Variants in MARK3 observed in about 807,000 individuals in gnomAD.
The protein encoded by MARK3 is MAP/microtubule affinity-regulating kinase 3.
In MARK3, 46 loss-of-function variants were observed where a neutral mutation model predicts 90.1. The observed-to-expected ratio is 0.51, with a 90% CI of 0.40 to 0.65. MARK3 has a LOEUF of 0.65. Among genes scored for constraint, MARK3 ranks in the 30% least tolerant of loss-of-function variants. The pLI is 0.00. For missense variants in MARK3, 818 were observed against 947.2 expected (o/e 0.86, Z 1.79); for synonymous variants, 321 against 332.6 (o/e 0.97, Z 0.38).
intron 6 of MARK3, among the ~76,000 whole-genome samples, chr14:103,460,951 C>T (rs1020642611): frequency 6.6e-6 from 1 of 152,168 alleles, no homozygotes; most frequent in African/African-American, 2.4e-5. Flanking sequence ...ATAAGTGGGT[C>T]TGATATTCTG....
At position 103,465,966 on chromosome 14, in the gene MARK3, C is replaced by G; in HGVS notation, c.778-6C>G. The G allele has an allele frequency of 6.2e-7, 1 of 1,611,638 alleles. No homozygotes were observed. The highest frequency in any genetic ancestry group is 8.5e-7 in the Non-Finnish European group (1 of 1,179,216). On this transcript the variant is annotated splice_polypyrimidine_tract_variant and splice_region_variant and intron_variant, in intron 8 of 17. Transcript: ENST00000429436. ...CTCGTTTTCTTTCCTCTGTACCTCT[C>G]CAAAGGAACTGAGAGAGAGAGTATT...
At chr14:103,413,613 A>ATTTATTTTAT (rs71126017) in intron 2 of MARK3, among the ~76,000 whole-genome samples, 3 of 147,700 alleles carry the variant, frequency 2.0e-5, no homozygotes, top group Admixed American at 6.8e-5. Flanking sequence ...TATTTTATTT[A>ATTTATTTTAT]TTTATTTTAT....
chr14:103,499,983 G>T (rs146196534), intron 16 of MARK3, 173 bp from the exon 17 acceptor site: 1 of 635,646 alleles, frequency 1.6e-6, no homozygotes, highest in Non-Finnish European at 2.9e-6. Flanking sequence ...AGAAGGTAGC[G>T]CTGGCTCAGT....
chr14:103,495,363 C>T lies in MARK3; in HGVS notation c.1845-3139C>T, dbSNP rs1469766415. Among the ~76,000 whole-genome samples the T allele has an allele frequency of 2.0e-5, 3 of 152,120 alleles. No individual in the cohort carries two copies. The East Asian group carries it at 5.8e-4, about 29-fold the overall frequency. ...GATGTTGTGGCACATGCTTGTAATT[C>T]CAGCTATTTGGAAGGGTGAGGCAAG... On this transcript the variant is annotated intron_variant, in intron 15 of 17. Transcript: ENST00000429436.
chr14:103,387,751 C>G (rs535338484), intron 1 of MARK3, among the ~76,000 whole-genome samples: 1 of 152,098 alleles, frequency 6.6e-6, no homozygotes, highest in Admixed American at 6.6e-5. Context: ...CCTCGGCTCC[C>G]CAAAGTGCTG....
intron 1 of MARK3, among the ~76,000 whole-genome samples, chr14:103,394,817 C>T (rs1287746312): frequency 6.6e-6 from 1 of 152,072 alleles, no homozygotes; most frequent in Non-Finnish European, 1.5e-5. Context: ...GAGTCTTGCT[C>T]TGTTGCCCAG....
intron 2 of MARK3, among the ~76,000 whole-genome samples, chr14:103,415,449 T>G (rs1252761170): frequency 6.6e-6 from 1 of 152,216 alleles, no homozygotes; most frequent in Non-Finnish European, 1.5e-5. Context: ...GATTTAGCTC[T>G]TAAATGAAAA....
chr14:103,390,732 A>G (rs1336654057), intron 1 of MARK3, among the ~76,000 whole-genome samples: 1 of 152,180 alleles, frequency 6.6e-6, no homozygotes, highest in East Asian at 1.9e-4. Context: ...ATTTTGAGAC[A>G]GTATCTCGCT....
intron 1 of MARK3, among the ~76,000 whole-genome samples, chr14:103,403,968 AAC>A (rs1215957391): frequency 6.6e-6 from 1 of 152,250 alleles, no homozygotes; most frequent in Non-Finnish European, 1.5e-5. Flanking sequence ...AACTGAGTAA[AAC>A]AGACAAGAGC....
At chr14:103,390,141 G>A (rs1343815803) in intron 1 of MARK3, among the ~76,000 whole-genome samples, 4 of 151,826 alleles carry the variant, frequency 2.6e-5, no homozygotes, top group African/African-American at 4.8e-5. Flanking sequence ...CCAGCTACTC[G>A]GGAGGCTGAG....
At chr14:103,485,714 T>C (rs1595901458) in intron 14 of MARK3, among the ~76,000 whole-genome samples, 1 of 152,110 alleles carries the variant, frequency 6.6e-6, no homozygotes, top group Admixed American at 6.5e-5. Flanking sequence ...TTTAGTAACC[T>C]TAAGTGGATT....
At chr14:103,500,020 C>A in intron 16 of MARK3, 136 bp from the exon 17 acceptor site, 1 of 715,220 alleles carries the variant, frequency 1.4e-6, no homozygotes, top group Admixed American at 2.1e-5. Flanking sequence ...TTTTCATAAG[C>A]CCGGCTGGTG....
rs28524598 is a variant in MARK3 at position 103,412,112 on chromosome 14, A to G, written c.243+6845A>G. The stretch of plus-strand genomic sequence containing the variant: ...ACTAGTAGCAGTAGAATCTTTTCAA[A>G]TATGCCTTAATATAGGCGCTGGGGC... On this transcript the variant is annotated intron_variant, in intron 2 of 17. Coordinates refer to ENST00000429436, the MANE Select transcript of MARK3 (RefSeq NM_001128918.3). The G allele has an allele frequency of 6.8e-3, 6,679 of 987,352 alleles. 361 individuals carry two copies. In the African/African-American group the frequency reaches 0.1, roughly 15 times the overall value. 61.2% of individuals were successfully genotyped at this position (987,352 alleles called of 1,614,324 possible).
chr14:103,402,608 C>T (rs1410343360), intron 1 of MARK3, among the ~76,000 whole-genome samples: 1 of 151,934 alleles, frequency 6.6e-6, no homozygotes, highest in Non-Finnish European at 1.5e-5. Flanking sequence ...AGTTGGTTTG[C>T]ATGAAAATTA....
chr14:103,405,452 A>G (rs769100104), intron 2 of MARK3, among the ~76,000 whole-genome samples, 185 bp downstream of exon 2: 16 of 152,036 alleles, frequency 1.1e-4, no homozygotes, highest in African/African-American at 1.7e-4. Context: ...CCGGGTTCAC[A>G]CCATTCTCCT....
intron 1 of MARK3, among the ~76,000 whole-genome samples, chr14:103,397,633 G>C (rs7155014): frequency 0.68 from 102,926 of 152,026 alleles, 35,164 homozygotes; most frequent in East Asian, 0.86. Flanking sequence ...CCTGAATCAA[G>C]ATTTTTTTAG....
At chr14:103,493,258 A>ATTTTTTTTTTTTTTTTTTTTTTTTT in intron 15 of MARK3, among the ~76,000 whole-genome samples, 1 of 105,374 alleles carries the variant, frequency 9.5e-6, no homozygotes, top group Non-Finnish European at 1.8e-5. Flanking sequence ...TTTTTTTTTA[A>ATTTTTTTTTTTTTTTTTTTTTTTTT]TTTTTTTTTT....
chr14:103,386,859 A>G (rs1246676098), intron 1 of MARK3, among the ~76,000 whole-genome samples: 1 of 152,160 alleles, frequency 6.6e-6, no homozygotes, highest in Non-Finnish European at 1.5e-5. Flanking sequence ...TATAAAAGGA[A>G]CCTTTGATTT....
chr14:103,479,281 C>T (rs1437085987), intron 13 of MARK3, among the ~76,000 whole-genome samples: 4 of 152,190 alleles, frequency 2.6e-5, no homozygotes, highest in Admixed American at 6.5e-5. Context: ...AGACATCCTG[C>T]CTCAGCCTCC....
Sources: allele counts gnomAD v4.1 joint callset (sites outside exome capture counted in the v4.1 genomes callset), GRCh38; gene constraint gnomAD v4.1.1; transcripts MANE v1.5; gene names NCBI Gene and HGNC (gene_info 2026-07-23, HGNC 2026-07-21).